Variants in SETD2 observed in about 807,000 individuals in gnomAD.
The protein encoded by SETD2 is histone-lysine N-methyltransferase SETD2.
In SETD2, 31 loss-of-function variants were observed where a neutral mutation model predicts 242.1. The ratio of observed to expected loss-of-function variants is 0.13; its 90% confidence interval spans 0.10 to 0.17. The LOEUF (loss-of-function observed/expected upper bound fraction) is 0.17, where lower values mean the gene tolerates loss of function less well. Among genes scored for constraint, SETD2 ranks in the 10% least tolerant of loss-of-function variants. The pLI is 1.00. For synonymous variants in SETD2, 1,006 were observed against 1,066.5 expected (o/e 0.94, Z 1.11); for missense variants, 2,481 against 3,046.3 (o/e 0.81, Z 4.37).
At chr3:47,026,826 G>A (rs1460252958) in intron 18 of SETD2, among the ~76,000 whole-genome samples, 1 of 152,046 alleles carries the variant, frequency 6.6e-6, no homozygotes, top group Non-Finnish European at 1.5e-5. Context: ...GACTAGGGGA[G>A]GGATGGCATT....
chr3:47,147,042 A>G (rs781228733), intron 1 of SETD2, among the ~76,000 whole-genome samples: 10 of 152,022 alleles, frequency 6.6e-5, no homozygotes, highest in Non-Finnish European at 1.5e-4. Context: ...ACAGGGTCTC[A>G]CTCTGTTGCC....
chr3:47,138,681 A>G (rs2043651639), intron 1 of SETD2, among the ~76,000 whole-genome samples: 1 of 151,974 alleles, frequency 6.6e-6, no homozygotes, highest in South Asian at 2.1e-4. Context: ...TTGGCCTCCC[A>G]AAGTGCTAGG....
In SETD2 at chr3:47,050,734, T is replaced by TTTTTTTTTTG. The variant is rs2039794118; in HGVS notation, c.6964-4114_6964-4113insCAAAAAAAAA. ...TACATTTCCTCTCTCTTTTTTTTTTTTTTTTTTTTTTTTTGAGACAGAGTC... is the reference window on the plus strand; with the variant it reads ...TACATTTCCTCTCTCTTTTTTTTTTTTTTTTTTTTGTTTTTTTTTTTTTTGAGACAGAGTC... On this transcript the variant is annotated intron_variant, in intron 15 of 20. Transcript: ENST00000409792. Among the ~76,000 whole-genome samples, 3 of 125,858 alleles carry TTTTTTTTTTG rather than the reference T, an allele frequency of 2.4e-5. 1 individual carries two copies. The highest frequency in any genetic ancestry group is 2.8e-4 in the South Asian group (1 of 3,532). The allele number at this position is 125,858 out of a possible 152,430, so 82.6% of individuals were successfully genotyped here.
intron 1 of SETD2, among the ~76,000 whole-genome samples, chr3:47,158,975 A>G (rs531812338): frequency 3.9e-5 from 6 of 152,324 alleles, no homozygotes; most frequent in African/African-American, 1.4e-4. Flanking sequence ...CTCTTAACAC[A>G]GGCATTTAAA....
At chr3:47,114,101 C>A in intron 4 of SETD2, 97 bp from the exon 5 acceptor site, 2 of 1,238,988 alleles carry the variant, frequency 1.6e-6, no homozygotes, top group Non-Finnish European at 2.2e-6. Context: ...TATATACATA[C>A]TTTTATGGTA....
chr3:47,053,963 G>GATGAGAAAACA (rs1428465075), intron 15 of SETD2, among the ~76,000 whole-genome samples: 1 of 152,122 alleles, frequency 6.6e-6, no homozygotes, highest in African/African-American at 2.4e-5. Flanking sequence ...TCATTTTATA[G>GATGAGAAAACA]ATGAGAAAAC....
chr3:47,095,067 A>C (rs1273092526), intron 9 of SETD2, among the ~76,000 whole-genome samples: 1 of 152,234 alleles, frequency 6.6e-6, no homozygotes, highest in Non-Finnish European at 1.5e-5. Context: ...ACTTCTCATC[A>C]ATAAATTAGT....
chr3:47,065,909 C>A (rs1201691568), intron 13 of SETD2, among the ~76,000 whole-genome samples: 1 of 152,212 alleles, frequency 6.6e-6, no homozygotes, highest in Non-Finnish European at 1.5e-5. Flanking sequence ...AACAATGATT[C>A]TAACTTTTTC....
In SETD2 at chr3:47,154,698, A is replaced by C. The variant is rs1046444329; in HGVS notation, c.71+9156T>G. On this transcript the variant is annotated intron_variant, in intron 1 of 20. Coordinates refer to ENST00000409792, the MANE Select transcript of SETD2 (RefSeq NM_014159.7). ...AAGCATTTATTGTTGTGGTAATTAA[A>C]AAAACAAAACATTGGCCGGGCGCGG... 5.3e-5 allele frequency among the ~76,000 whole-genome samples: 8 copies of C among 152,268 alleles called. No individual in the cohort carries two copies. In the East Asian group the frequency reaches 1.5e-3, roughly 29 times the overall value.
Position 47,086,267 on chromosome 3 carries a change from C to T in SETD2, c.5325G>A (p.Gly1775=), listed in dbSNP as rs2041552516. The change falls in exon 11 of 21, where the codon GGG becomes GGA. Residue 1775 remains glycine (G), a synonymous_variant. Coordinates refer to ENST00000409792, the MANE Select transcript of SETD2 (RefSeq NM_014159.7). ...SCLKSFLERH[G]LSLLWIWMAE... The stretch of plus-strand genomic sequence containing the variant: ...CCATCCAGATCCACAACAAAGACAG[C>T]CCATGACGTTCCAGAAAGGACTTCA... The T allele has an allele frequency of 6.2e-7, 1 of 1,613,002 alleles. No homozygotes were observed. Among genetic ancestry groups the T allele is most frequent in the South Asian group, 1.1e-5 (1 of 91,070 alleles).
At chr3:47,092,438 A>C (rs1263721268) in intron 9 of SETD2, among the ~76,000 whole-genome samples, 1 of 151,602 alleles carries the variant, frequency 6.6e-6, no homozygotes, top group East Asian at 1.9e-4. Flanking sequence ...TAAGTAACTA[A>C]AAGTAAACAT....
Position 47,083,970 on chromosome 3 carries a change from T to C in SETD2, c.5810A>G (p.Lys1937Arg), listed in dbSNP as rs768946407. The part of the protein sequence containing the change: ...QLLPQQLPEC[K>R]VDSETNIEAS... The stretch of plus-strand genomic sequence containing the variant: ...TTCTATGTTGGTTTCACTATCAACT[T>C]TGCATTCAGGCAGCTGTTGTGGGAG... The change falls in exon 12 of 21, where the codon AAA (lysine) becomes AGA (arginine). Residue 1937 changes from lysine (K) to arginine (R), a missense_variant. Lys to Arg is a conservative substitution (Grantham distance 26). This residue lies in a region of SETD2 where 203 missense variants were observed against 222.4 expected (regional missense o/e 0.91). Coordinates refer to ENST00000409792, the MANE Select transcript of SETD2 (RefSeq NM_014159.7). 1 of 1,614,176 alleles carries C rather than the reference T, an allele frequency of 6.2e-7. No homozygotes were observed. The highest frequency in any genetic ancestry group is 1.1e-5 in the South Asian group (1 of 91,088).
chr3:47,136,760 C>A (rs1375233650), intron 1 of SETD2, among the ~76,000 whole-genome samples: 2 of 152,124 alleles, frequency 1.3e-5, no homozygotes, highest in African/African-American at 4.8e-5. Flanking sequence ...TCCAGACCAG[C>A]CTGGCCAACA....
intron 9 of SETD2, among the ~76,000 whole-genome samples, chr3:47,095,031 G>A (rs2107666972): frequency 6.6e-6 from 1 of 152,280 alleles, no homozygotes; most frequent in Admixed American, 6.5e-5. Flanking sequence ...CAGATATAAT[G>A]CCACCTCTTA....
chr3:47,136,696 G>A (rs1286290375), intron 1 of SETD2, among the ~76,000 whole-genome samples: 1 of 152,184 alleles, frequency 6.6e-6, no homozygotes, highest in Non-Finnish European at 1.5e-5. Context: ...GCTCACGCTT[G>A]TAATCCCAGC....
At position 47,123,398 on chromosome 3, in the gene SETD2, G is replaced by C. The variant is rs889546801; in HGVS notation, c.1238C>G (p.Ser413Cys). Reference protein sequence around the residue: ...SRSHSRSERGSRTNLSYSRSE... With the variant: ...SRSHSRSERGCRTNLSYSRSE... Reference sequence around the variant, plus strand: ...CCTGGAATAGGATAAATTAGTTCTAGAGCCTCTCTCAGACCTAGAGTGAGA... The same window carrying C: ...CCTGGAATAGGATAAATTAGTTCTACAGCCTCTCTCAGACCTAGAGTGAGA... Residue 413 changes from serine (S) to cysteine (C), a missense_variant, in exon 3 of 21, where the codon TCT becomes TGT. By Grantham distance (112) the Ser-to-Cys change is moderately radical. Coordinates refer to ENST00000409792, the MANE Select transcript of SETD2 (RefSeq NM_014159.7). 2 of 1,551,538 alleles carry C rather than the reference G, an allele frequency of 1.3e-6. No homozygotes were observed. Among genetic ancestry groups the C allele is most frequent in the Non-Finnish European group, 1.7e-6 (2 of 1,147,006 alleles).
At chr3:47,079,760 A>C (rs2041247908) in intron 12 of SETD2, among the ~76,000 whole-genome samples, 1 of 152,204 alleles carries the variant, frequency 6.6e-6, no homozygotes, top group African/African-American at 2.4e-5. Flanking sequence ...AGAAAATTTT[A>C]TTTACAAAAA....
chr3:47,034,804 G>C (rs139933052), intron 18 of SETD2, among the ~76,000 whole-genome samples: 3 of 152,258 alleles, frequency 2.0e-5, no homozygotes, highest in African/African-American at 7.2e-5. Context: ...TACTGTTTTT[G>C]TACCCCCAGG....
In SETD2 at chr3:47,164,059, T is replaced by A. The variant is rs1697596212; in HGVS notation, c.-135A>T. 4.1e-5 allele frequency: 49 copies of A among 1,205,542 alleles called. No homozygotes were observed. The highest frequency in any genetic ancestry group is 5.1e-5 in the Non-Finnish European group (49 of 966,330). 74.7% of individuals were successfully genotyped at this position (1,205,542 alleles called of 1,614,324 possible). ...GCGGCGGCGGCAGGGGCGGCCCGCG[T>A]CGCTACCTCGCTCGTCGCTCCCTCC... is the stretch of plus-strand genomic sequence containing the variant. On this transcript the variant is annotated 5_prime_UTR_variant, in exon 1 of 21. Coordinates refer to ENST00000409792, the MANE Select transcript of SETD2 (RefSeq NM_014159.7). The surrounding 1 kb of genome is among the most constrained non-coding windows in gnomAD (Gnocchi z 5.4).
Sources: allele counts gnomAD v4.1 joint callset (sites outside exome capture counted in the v4.1 genomes callset), GRCh38; gene constraint gnomAD v4.1.1; regional missense constraint gnomAD v4.1.1; non-coding constraint Gnocchi (gnomAD v3.1); transcripts MANE v1.5; gene names NCBI Gene and HGNC (gene_info 2026-07-23, HGNC 2026-07-21).